Variants in CCSER1 observed in about 807,000 individuals in gnomAD.
CCSER1 encodes the protein serine-rich coiled-coil domain-containing protein 1.
Under a neutral mutation model 82.0 loss-of-function variants are expected in CCSER1, and 41 were observed. The ratio of observed to expected loss-of-function variants is 0.50; its 90% CI spans 0.39 to 0.65. The LOEUF is 0.65. CCSER1 is among the 30% of genes least tolerant of loss of function. The probability of loss-of-function intolerance (pLI) is 0.00; values close to 1 mark genes in which losing one functional copy is unlikely to be tolerated. For missense variants in CCSER1, 1,119 were observed against 1,064.2 expected (o/e 1.05, Z -0.72); for synonymous variants, 414 against 383.9 (o/e 1.08, Z -0.92).
At chr4:90,638,439 C>G (rs577044113) in intron 6 of CCSER1, among the ~76,000 whole-genome samples, 11 of 152,208 alleles carry the variant, frequency 7.2e-5, no homozygotes, top group Admixed American at 2.0e-4. Flanking sequence ...ATTTATCATA[C>G]AGACTAACTT....
At chr4:90,754,925 T>C (rs1044592663) in intron 7 of CCSER1, among the ~76,000 whole-genome samples, 1 of 152,190 alleles carries the variant, frequency 6.6e-6, no homozygotes, top group African/African-American at 2.4e-5. Flanking sequence ...ATTAACATTC[T>C]GCTCCCCTTT....
rs1289097271 is a variant in CCSER1 at position 91,297,383 on chromosome 4, GTA to G, written c.2217+211391_2217+211392del. 8.3e-3 allele frequency among the ~76,000 whole-genome samples: 777 copies of G among 93,588 alleles called. 10 individuals are homozygous for G. The highest frequency in any genetic ancestry group is 0.028 in the African/African-American group (523 of 18,704). The allele number at this position is 93,588 out of a possible 152,430, so 61.4% of individuals were successfully genotyped here. A position where few individuals can be genotyped will look rare whatever the true frequency, so the allele number is the denominator to read the frequency against. ...TGGATGCTTGTGTGTGTGTGTGTGTGTATGTGTGTGTGTGTGTGTGTGTGTGT... is the reference window on the plus strand; with the variant it reads ...TGGATGCTTGTGTGTGTGTGTGTGTGTGTGTGTGTGTGTGTGTGTGTGTGT... On this transcript the variant is annotated intron_variant, in intron 10 of 10. Transcript: ENST00000509176.
At chr4:90,485,277 C>T (rs1177079445) in intron 5 of CCSER1, among the ~76,000 whole-genome samples, 1 of 152,078 alleles carries the variant, frequency 6.6e-6, no homozygotes, top group Non-Finnish European at 1.5e-5. Flanking sequence ...GTCTGTCACC[C>T]GTTTCTTTGA....
intron 10 of CCSER1, among the ~76,000 whole-genome samples, chr4:91,463,100 G>A (rs187057479): frequency 3.3e-5 from 5 of 152,252 alleles, no homozygotes; most frequent in African/African-American, 9.6e-5. Context: ...TAACTGGGAG[G>A]CACCCCCCAG....
intron 10 of CCSER1, among the ~76,000 whole-genome samples, chr4:91,413,034 TA>T (rs1400597449): frequency 3.3e-5 from 5 of 151,554 alleles, no homozygotes; most frequent in Admixed American, 6.6e-5. Context: ...TTAGAAGCCA[TA>T]AAAAAAGAAA....
chr4:90,651,164 A>AT (rs1214784552), intron 6 of CCSER1, among the ~76,000 whole-genome samples: 1 of 152,204 alleles, frequency 6.6e-6, no homozygotes, highest in Non-Finnish European at 1.5e-5. Flanking sequence ...TTCTCAAAAA[A>AT]TTTTAGCAGA....
At chr4:91,365,546 G>A (rs1363899889) in intron 10 of CCSER1, among the ~76,000 whole-genome samples, 1 of 152,092 alleles carries the variant, frequency 6.6e-6, no homozygotes, top group Non-Finnish European at 1.5e-5. Context: ...TACAGAATCA[G>A]ACTCTTTATA....
chr4:91,127,301 T>C (rs544624885), intron 10 of CCSER1, among the ~76,000 whole-genome samples: 6 of 152,096 alleles, frequency 3.9e-5, no homozygotes, highest in Non-Finnish European at 8.8e-5. Flanking sequence ...TCCTGAAAAA[T>C]ATAATCAGTT....
intron 1 of CCSER1, among the ~76,000 whole-genome samples, chr4:90,192,688 T>A (rs942632807): frequency 6.6e-6 from 1 of 152,116 alleles, no homozygotes; most frequent in African/African-American, 2.4e-5. Context: ...TTATTTATAT[T>A]GCCAGTAGTG....
At chr4:91,213,349 CT>C (rs1159206040) in intron 10 of CCSER1, among the ~76,000 whole-genome samples, 2 of 151,996 alleles carry the variant, frequency 1.3e-5, no homozygotes, top group Non-Finnish European at 2.9e-5. Flanking sequence ...TTCACAGAAC[CT>C]AGAGTCTACT....
chr4:91,129,669 C>T (rs972549288), intron 10 of CCSER1, among the ~76,000 whole-genome samples: 8 of 151,694 alleles, frequency 5.3e-5, no homozygotes, highest in Non-Finnish European at 1.2e-4. Flanking sequence ...CTCTTGGACA[C>T]GAAGAGTGGG....
chr4:91,265,622 G>C (rs577406213), intron 10 of CCSER1, among the ~76,000 whole-genome samples: 2 of 152,200 alleles, frequency 1.3e-5, no homozygotes, highest in South Asian at 4.1e-4. Flanking sequence ...GTTCACTTCT[G>C]TTCCATTAAT....
chr4:90,267,897 G>T (rs879894320), intron 1 of CCSER1, among the ~76,000 whole-genome samples: 3 of 152,142 alleles, frequency 2.0e-5, no homozygotes, highest in Non-Finnish European at 4.4e-5. Context: ...AGCACAGATT[G>T]CAAGGGAATA....
intron 10 of CCSER1, among the ~76,000 whole-genome samples, chr4:91,548,935 T>G (rs1762024053): frequency 6.6e-6 from 1 of 152,160 alleles, no homozygotes; most frequent in Non-Finnish European, 1.5e-5. Context: ...CATTATTCCT[T>G]AAAATATTGC....
chr4:90,331,127 C>G (rs1222305606), intron 3 of CCSER1, among the ~76,000 whole-genome samples: 1 of 151,770 alleles, frequency 6.6e-6, no homozygotes, highest in African/African-American at 2.4e-5. Flanking sequence ...GGAAATTATT[C>G]TGGTTCAATA....
intron 10 of CCSER1, among the ~76,000 whole-genome samples, chr4:91,277,155 G>T (rs766511014): frequency 5.9e-5 from 9 of 151,974 alleles, no homozygotes. Flanking sequence ...GGGTAATACT[G>T]CCCTCATAGA....
chr4:91,216,949 G>A (rs7689710), intron 10 of CCSER1, among the ~76,000 whole-genome samples: 1,696 of 152,230 alleles, frequency 0.011, 38 homozygotes, highest in African/African-American at 0.039. Flanking sequence ...TATTGTGTCC[G>A]GAATTGGTGG....
At chr4:91,215,565 G>A (rs1737176476) in intron 10 of CCSER1, among the ~76,000 whole-genome samples, 1 of 152,130 alleles carries the variant, frequency 6.6e-6, no homozygotes, top group African/African-American at 2.4e-5. Context: ...AGAGATGGAG[G>A]CCAGCAGACT....
chr4:91,453,774 CA>C (rs1469690592), intron 10 of CCSER1, among the ~76,000 whole-genome samples: 2 of 151,934 alleles, frequency 1.3e-5, no homozygotes, highest in Admixed American at 1.3e-4. Flanking sequence ...TTGGAAGAAA[CA>C]GAAGAAATTA....
Sources: allele counts gnomAD v4.1 joint callset (sites outside exome capture counted in the v4.1 genomes callset), GRCh38; gene constraint gnomAD v4.1.1; transcripts MANE v1.5; gene names NCBI Gene and HGNC (gene_info 2026-07-23, HGNC 2026-07-21).